ZNF44: variants seen among roughly 807,000 people sequenced by gnomAD.
ZNF44 encodes the protein zinc finger protein 44.
Under a neutral mutation model 11.7 loss-of-function variants are expected in ZNF44, and 9 were observed. That is an observed-to-expected ratio of 0.77 (90% confidence interval 0.46 to 1.35). The LOEUF is 1.35. ZNF44 is among the 40% of genes most tolerant of loss of function. The pLI, the probability that ZNF44 is intolerant of heterozygous loss-of-function variation, is 0.00. For missense variants in ZNF44, 696 were observed against 743.1 expected, an observed-to-expected ratio of 0.94 and a Z score of 0.74; for synonymous variants, 224 against 242.7, an observed-to-expected ratio of 0.92 and a Z score of 0.72.
chr19:12,285,417 G>A (rs1313061066), intron 1 of ZNF44, among the ~76,000 whole-genome samples: 3 of 151,930 alleles, frequency 2.0e-5, no homozygotes, highest in Admixed American at 2.0e-4. Flanking sequence ...CACCACGTCC[G>A]GATATTTTGT....
exon 8 of ZNF44, chr19:12,248,602 G>C (rs746221472): frequency 1.5e-5 from 20 of 1,298,206 alleles, no homozygotes; most frequent in South Asian, 1.2e-4. Context: ...TTCAGACTGA[G>C]ATTTGCAATC....
At chr19:12,261,019 T>C (rs1407773886) in intron 5 of ZNF44, among the ~76,000 whole-genome samples, 1 of 152,042 alleles carries the variant, frequency 6.6e-6, no homozygotes, top group African/African-American at 2.4e-5. Context: ...ACTGAGAGGG[T>C]ATGAAAAGGC....
chr19:12,238,754 C>CCACTGCACTCCAG, upstream of ZNF44, among the ~76,000 whole-genome samples: 1 of 152,102 alleles, frequency 6.6e-6, no homozygotes, highest in African/African-American at 2.4e-5. Context: ...CGAGATCGTG[C>CCACTGCACTCCAG]CACTGCACTC....
intron 1 of ZNF44, chr19:12,235,039 T>C (rs183282223): frequency 6.6e-6 from 1 of 152,314 alleles, no homozygotes; most frequent in Non-Finnish European, 1.5e-5. Context: ...TGCAGTTTTA[T>C]AGATGAGCTT....
exon 8 of ZNF44, chr19:12,248,579 A>G: frequency 3.9e-6 from 5 of 1,293,258 alleles, no homozygotes; most frequent in Non-Finnish European, 5.0e-6. Flanking sequence ...TTCCTCCAGA[A>G]GGAGTTTTCT....
At chr19:12,252,816 A>T (rs1448036643) in intron 5 of ZNF44, among the ~76,000 whole-genome samples, 2 of 152,052 alleles carry the variant, frequency 1.3e-5, no homozygotes, top group Non-Finnish European at 2.9e-5. Context: ...GAAGTCACAA[A>T]GAAAATTAAA....
chr19:12,236,155 G>A (rs1916379326), intron 1 of ZNF44, among the ~76,000 whole-genome samples: 1 of 152,244 alleles, frequency 6.6e-6, no homozygotes, highest in South Asian at 2.1e-4. Flanking sequence ...ACTTGGGAAT[G>A]TGGGGAAGGA....
At chr19:12,239,515 C>G (rs2145682893), upstream of ZNF44, among the ~76,000 whole-genome samples, 1 of 148,924 alleles carries the variant, frequency 6.7e-6, no homozygotes. Flanking sequence ...CTCAGCCTCC[C>G]AAAATGCTGG....
At position 12,273,541 on chromosome 19, in the gene ZNF44, A is replaced by G; in HGVS notation, c.714T>C (p.Ser238=). The G allele has an allele frequency of 6.2e-7, 1 of 1,613,942 alleles. No homozygotes were observed. The change falls in exon 4 of 4, where the codon AGT becomes AGC. Residue 238 remains serine (S), a synonymous_variant. Transcript: ENST00000355684. ...GTATTTTTTCATGTCTTAGATAGGA[A>G]CTGTAAACAGGGAAGGCTTTAGAAC... ...KQCSKAFPVY[S]SYLRHEKIHT...
At position 12,273,949 on chromosome 19, in the gene ZNF44, T is replaced by C. The variant is rs767299017; in HGVS notation, c.306A>G (p.Ala102=). 1 of 1,614,206 alleles carries C rather than the reference T, an allele frequency of 6.2e-7. No homozygotes were observed. The highest frequency in any genetic ancestry group is 2.2e-5 in the East Asian group (1 of 44,888). Reference sequence around the variant, plus strand: ...CTTCTCCATTCACACTGCTTCCACATGCATCTACTCTGGCGGGAGTGTTCT... The same window carrying C: ...CTTCTCCATTCACACTGCTTCCACACGCATCTACTCTGGCGGGAGTGTTCT... ...VNKNTPARVD[A]CGSSVNGEVI... Residue 102 remains alanine, a synonymous_variant, in exon 4 of 4, where the codon GCA becomes GCG. Coordinates refer to ENST00000355684, the MANE Select transcript of ZNF44 (RefSeq NM_016264.4).
upstream of ZNF44, among the ~76,000 whole-genome samples, chr19:12,239,642 G>C (rs899275759): frequency 3.5e-5 from 5 of 141,836 alleles, no homozygotes; most frequent in Admixed American, 1.5e-4. Flanking sequence ...GTGGCGTGGT[G>C]TCACTCACTG....
At chr19:12,280,585 TG>T (rs1967438685) in intron 1 of ZNF44, among the ~76,000 whole-genome samples, 1 of 152,062 alleles carries the variant, frequency 6.6e-6, no homozygotes, top group African/African-American at 2.4e-5. Context: ...ATAATATACA[TG>T]TTTATCTGAA....
intron 1 of ZNF44, among the ~76,000 whole-genome samples, chr19:12,279,160 CAG>C (rs1967362401): frequency 6.6e-6 from 1 of 152,174 alleles, no homozygotes; most frequent in Non-Finnish European, 1.5e-5. Flanking sequence ...AGCTAAAGAA[CAG>C]AGACTTCAGT....
intron 1 of ZNF44, among the ~76,000 whole-genome samples, chr19:12,280,089 CACAGCTGTAATCCCAGCT>C (rs1222661345): frequency 6.6e-6 from 1 of 151,948 alleles, no homozygotes; most frequent in Non-Finnish European, 1.5e-5. Flanking sequence ...CGTGGTGGTG[CACAGCTGTAATCCCAGCT>C]ACTAGGGAGG....
chr19:12,267,274 C>T (rs1435262189), downstream of ZNF44, among the ~76,000 whole-genome samples: 5 of 152,030 alleles, frequency 3.3e-5, no homozygotes, highest in South Asian at 2.1e-4. Flanking sequence ...GAACTCCTGA[C>T]CTCAAATGAT....
Position 12,288,774 on chromosome 19 carries a change from G to GTATATATATATATATATATATATATA in ZNF44, c.3+5892_3+5917dup, listed in dbSNP as rs55971577. Among the ~76,000 whole-genome samples the GTATATATATATATATATATATATATA allele has an allele frequency of 7.3e-4, 56 of 76,802 alleles. 1 individual carries two copies. Among genetic ancestry groups the GTATATATATATATATATATATATATA allele is most frequent in the African/African-American group, 1.7e-3 (19 of 11,062 alleles). The allele number at this position is 76,802 out of a possible 152,430, so 50.4% of individuals were successfully genotyped here. A position where few individuals can be genotyped will look rare whatever the true frequency, so the allele number is the denominator to read the frequency against. On this transcript the variant is annotated intron_variant, in intron 1 of 3. Transcript: ENST00000355684. ...CTCCGTCTCAAAAAAAAAAAAAAAT[G>GTATATATATATATATATATATATATA]TATATATATATATATATATATATAT... is the stretch of plus-strand genomic sequence containing the variant.
intron 5 of ZNF44, chr19:12,260,375 G>A (rs939539218): frequency 2.3e-6 from 3 of 1,328,084 alleles, no homozygotes; most frequent in Non-Finnish European, 2.1e-6. Context: ...CCATCAACAA[G>A]AATGCTGGCG....
chr19:12,225,847 A>G (rs943969292), downstream of ZNF44, among the ~76,000 whole-genome samples: 26 of 152,170 alleles, frequency 1.7e-4, no homozygotes, highest in African/African-American at 5.8e-4. Context: ...AAGGTTTCCT[A>G]TTTATTTCCT....
At chr19:12,267,648 C>T (rs923628062), downstream of ZNF44, among the ~76,000 whole-genome samples, 2 of 152,016 alleles carry the variant, frequency 1.3e-5, no homozygotes, top group Admixed American at 1.3e-4. Context: ...GGGAGCTCAA[C>T]ATGTCCTCCT....
Sources: allele counts gnomAD v4.1 joint callset (sites outside exome capture counted in the v4.1 genomes callset), GRCh38; gene constraint gnomAD v4.1.1; transcripts MANE v1.5; gene names NCBI Gene and HGNC (gene_info 2026-07-23, HGNC 2026-07-21).